The following RERG variants were observed in gnomAD, a reference collection of about 807,000 sequenced individuals.
RERG encodes the protein RAS like estrogen regulated growth inhibitor.
A neutral mutation model predicts 23.2 loss-of-function variants in RERG; 25 were observed. The observed-to-expected ratio is 1.08, with a 90% CI of 0.79 to 1.50. RERG has a LOEUF of 1.50. RERG is among the 40% of genes most tolerant of loss of function. RERG has a pLI of 0.00. For synonymous variants in RERG, 81 were observed against 89.1 expected (o/e 0.91, Z 0.51); for missense variants, 253 against 250.1 (o/e 1.01, Z -0.08).
chr12:15,192,576 T>G (rs1865087407), intron 2 of RERG, among the ~76,000 whole-genome samples: 1 of 152,166 alleles, frequency 6.6e-6, no homozygotes, highest in Non-Finnish European at 1.5e-5. Flanking sequence ...AAAATGCAAT[T>G]ATCAAGACTA....
intron 2 of RERG, among the ~76,000 whole-genome samples, chr12:15,200,763 T>C (rs916801672): frequency 2.0e-5 from 3 of 152,030 alleles, no homozygotes; most frequent in African/African-American, 7.2e-5. Context: ...CTTGACTATA[T>C]ATTTTCCTTA....
chr12:15,163,603 C>T (rs566383200), intron 2 of RERG, among the ~76,000 whole-genome samples: 27 of 152,142 alleles, frequency 1.8e-4, no homozygotes, highest in Non-Finnish European at 3.4e-4. Flanking sequence ...TCTTTCAAAC[C>T]GATGCATTTA....
chr12:15,182,517 A>G (rs1864938633), intron 2 of RERG, among the ~76,000 whole-genome samples: 1 of 152,188 alleles, frequency 6.6e-6, no homozygotes, highest in African/African-American at 2.4e-5. Context: ...TGACTCAAAG[A>G]TATAATATCA....
In RERG at chr12:15,126,723, TC is replaced by T. The variant is rs1215254551; in HGVS notation, c.62-5605del. Among the ~76,000 whole-genome samples, 91 of 129,266 alleles carry T rather than the reference TC, an allele frequency of 7.0e-4. 7 individuals are homozygous for T. The highest frequency in any genetic ancestry group is 3.8e-3 in the Middle Eastern group (1 of 264). The allele number at this position is 129,266 out of a possible 152,430, so 84.8% of individuals were successfully genotyped here. On this transcript the variant is annotated intron_variant, in intron 2 of 4. Transcript: ENST00000256953. ...GATAGCATTTCTTTTTCTTTTTCTT[TC>T]TTTTTTTTTTTTTTTTGAGACAGAG... is the stretch of plus-strand genomic sequence containing the variant.
chr12:15,193,444 C>T (rs1208388404), intron 2 of RERG, among the ~76,000 whole-genome samples: 1 of 152,102 alleles, frequency 6.6e-6, no homozygotes, highest in African/African-American at 2.4e-5. Context: ...ATGTTCCATA[C>T]CAATCTTCAT....
At chr12:15,138,863 G>T in intron 2 of RERG, among the ~76,000 whole-genome samples, 1 of 151,294 alleles carries the variant, frequency 6.6e-6, no homozygotes, top group East Asian at 1.9e-4. Context: ...TCTTTCATTT[G>T]CTGTCACTTC....
intron 2 of RERG, among the ~76,000 whole-genome samples, chr12:15,137,571 C>T (rs1864165033): frequency 1.3e-5 from 2 of 150,576 alleles, no homozygotes; most frequent in South Asian, 2.1e-4. Context: ...TAGTACTTGC[C>T]CTGGAGTTTG....
chr12:15,205,998 G>C (rs188555370), intron 2 of RERG, among the ~76,000 whole-genome samples: 158 of 152,076 alleles, frequency 1.0e-3, no homozygotes, highest in African/African-American at 3.7e-3. Flanking sequence ...ATAACTCAAG[G>C]TTATGGGTTC....
At chr12:15,154,745 T>C (rs1196206468) in intron 2 of RERG, among the ~76,000 whole-genome samples, 1 of 152,216 alleles carries the variant, frequency 6.6e-6, no homozygotes, top group Non-Finnish European at 1.5e-5. Flanking sequence ...GCAATCATAT[T>C]CATAAACACT....
At chr12:15,185,870 A>G (rs1864983630) in intron 2 of RERG, among the ~76,000 whole-genome samples, 1 of 152,190 alleles carries the variant, frequency 6.6e-6, no homozygotes, top group Admixed American at 6.6e-5. Flanking sequence ...ATTTGATAAA[A>G]CACTAATAAG....
At chr12:15,149,403 T>C (rs548991168) in intron 2 of RERG, among the ~76,000 whole-genome samples, 99 of 152,244 alleles carry the variant, frequency 6.5e-4, no homozygotes, top group African/African-American at 2.3e-3. Flanking sequence ...TGTATCCACA[T>C]CTACTATGAA....
chr12:15,188,710 T>TA (rs1865026909), intron 2 of RERG, among the ~76,000 whole-genome samples: 1 of 152,224 alleles, frequency 6.6e-6, no homozygotes, highest in Non-Finnish European at 1.5e-5. Flanking sequence ...GTATTTAGCA[T>TA]GTAATAGGTG....
Position 15,108,973 on chromosome 12 carries a change from T to A in RERG, c.*137A>T. ...AAACACGCTAAAACTTCCCAACCTATTAGAGGCCAGAAACAATGGGAAGCC... is the reference window on the plus strand; with the variant it reads ...AAACACGCTAAAACTTCCCAACCTAATAGAGGCCAGAAACAATGGGAAGCC... On this transcript the variant is annotated 3_prime_UTR_variant, in exon 5 of 5. Coordinates refer to ENST00000256953, the MANE Select transcript of RERG (RefSeq NM_032918.3). 1 of 899,554 alleles carries A rather than the reference T, an allele frequency of 1.1e-6. No individual in the cohort carries two copies. Among genetic ancestry groups the A allele is most frequent in the South Asian group, 1.8e-5 (1 of 56,252 alleles). 55.7% of individuals were successfully genotyped at this position (899,554 alleles called of 1,614,324 possible).
At chr12:15,196,721 C>T (rs1362172868) in intron 2 of RERG, among the ~76,000 whole-genome samples, 1 of 152,140 alleles carries the variant, frequency 6.6e-6, no homozygotes, top group Non-Finnish European at 1.5e-5. Context: ...GGTGATTCTA[C>T]AATTACTGTC....
At chr12:15,112,614 A>G (rs1328359671) in intron 3 of RERG, 1 of 152,232 alleles carries the variant, frequency 6.6e-6, no homozygotes. Flanking sequence ...AACAGAAATA[A>G]AGAACCGAAT....
chr12:15,147,030 T>C (rs962433016), intron 2 of RERG, among the ~76,000 whole-genome samples: 3 of 151,588 alleles, frequency 2.0e-5, no homozygotes, highest in Admixed American at 1.3e-4. Flanking sequence ...CTAAAGCTTT[T>C]GATTGTGTCC....
intron 2 of RERG, among the ~76,000 whole-genome samples, chr12:15,122,422 A>C (rs1863849234): frequency 6.6e-6 from 1 of 152,114 alleles, no homozygotes; most frequent in African/African-American, 2.4e-5. Context: ...TGGCAGTGTA[A>C]ATTGCATGAG....
chr12:15,186,382 A>T (rs1448629588), intron 2 of RERG, among the ~76,000 whole-genome samples: 3 of 152,118 alleles, frequency 2.0e-5, no homozygotes, highest in African/African-American at 7.2e-5. Context: ...CTTTGCAGGA[A>T]AAATTTAAAA....
intron 2 of RERG, among the ~76,000 whole-genome samples, chr12:15,208,456 C>T (rs1464706463): frequency 1.3e-5 from 2 of 152,076 alleles, no homozygotes; most frequent in East Asian, 3.9e-4. Flanking sequence ...AATTTTAAAG[C>T]ACGTGTGGCA....
Sources: gnomAD v4.1 joint callset for allele counts (sites outside exome capture counted in the v4.1 genomes callset) on GRCh38, gnomAD v4.1.1 for gene constraint, MANE v1.5 for transcripts, NCBI Gene and HGNC (gene_info 2026-07-23, HGNC 2026-07-21) for gene names.